Variants in MFSD12 observed in about 807,000 individuals in gnomAD.
MFSD12 encodes major facilitator superfamily domain-containing protein 12.
In MFSD12, 67 loss-of-function variants were observed where a neutral mutation model predicts 51.2. The ratio of observed to expected loss-of-function variants is 1.31; its 90% CI spans 1.08 to 1.60. MFSD12 has a LOEUF of 1.60. MFSD12 is among the 40% of genes most tolerant of loss of function. The pLI is 0.00. For missense variants in MFSD12, 921 were observed against 673.0 expected, an observed-to-expected ratio of 1.37 and a Z score of -4.08; for synonymous variants, 441 against 316.7, an observed-to-expected ratio of 1.39 and a Z score of -4.17.
chr19:3,547,890 C>T lies in MFSD12; in HGVS notation c.795G>A (p.Leu265=). 2 of 1,554,056 alleles carry T rather than the reference C, an allele frequency of 1.3e-6. No individual in the cohort carries two copies. The highest frequency in any genetic ancestry group is 1.7e-6 in the Non-Finnish European group (2 of 1,158,740). The change falls in exon 4 of 10, where the codon CTG becomes CTA. Residue 265 remains leucine (L), a synonymous_variant. Transcript: ENST00000355415. The part of the protein sequence containing the change: ...PLLAPATAQP[L]LLWKHWLREP... Reference sequence around the variant, plus strand: ...CCCGGAGCCAGTGCTTCCAGAGCAGCAGGGGCTGGGCCGTGGCAGGGGCCA... The same window carrying T: ...CCCGGAGCCAGTGCTTCCAGAGCAGTAGGGGCTGGGCCGTGGCAGGGGCCA...
intron 1 of MFSD12, among the ~76,000 whole-genome samples, chr19:3,552,312 C>G (rs974414143): frequency 4.1e-5 from 6 of 148,016 alleles, no homozygotes; most frequent in African/African-American, 1.0e-4. Flanking sequence ...GGACTACAGG[C>G]CCATGCCACC....
chr19:3,544,698 G>C lies in MFSD12; in HGVS notation c.*12C>G, dbSNP rs566821469. The stretch of plus-strand genomic sequence containing the variant: ...ACAGTTCCCTTGCACAGGTGCAGGA[G>C]GCTGTCAGGAGTCAGGGCCGGGCAT... On this transcript the variant is annotated 3_prime_UTR_variant, in exon 10 of 10. Transcript: ENST00000355415. The C allele has an allele frequency of 2.1e-5, 33 of 1,596,544 alleles. No individual in the cohort carries two copies. Among genetic ancestry groups the C allele is most frequent in the Non-Finnish European group, 2.7e-5 (32 of 1,170,032 alleles).
Position 3,544,726 on chromosome 19 carries a change from C to T in MFSD12, c.1427G>A (p.Arg476His), listed in dbSNP as rs377276332. 14 of 1,463,068 alleles carry T rather than the reference C, an allele frequency of 9.6e-6. No individual in the cohort carries two copies. The highest frequency in any genetic ancestry group is 2.9e-5 in the African/African-American group (2 of 69,778). The allele number at this position is 1,463,068 out of a possible 1,614,324, so 90.6% of individuals were successfully genotyped here. Reference protein sequence around the residue: ...LWPTRLRRWDRDARP With the variant: ...LWPTRLRRWDHDARP Reference sequence around the variant, plus strand: ...TGTCAGGAGTCAGGGCCGGGCATCACGGTCCCCTGCAAGGGAGGGGTGGAA... The same window carrying T: ...TGTCAGGAGTCAGGGCCGGGCATCATGGTCCCCTGCAAGGGAGGGGTGGAA... Residue 476 changes from arginine to histidine, a missense_variant, in exon 10 of 10, where the codon CGT (arginine) becomes CAT (histidine). By Grantham distance (29) the Arg-to-His change is conservative. Transcript: ENST00000355415.
chr19:3,539,193 C>A (rs1395240304), intron 4 of MFSD12: 4 of 1,550,384 alleles, frequency 2.6e-6, no homozygotes, highest in Non-Finnish European at 3.5e-6. Flanking sequence ...AACCCTCAGG[C>A]AAGAGGCTGC....
At chr19:3,545,338 T>C (rs150150354) in intron 8 of MFSD12, among the ~76,000 whole-genome samples, 103 of 152,284 alleles carry the variant, frequency 6.8e-4, no homozygotes, top group African/African-American at 2.4e-3. Flanking sequence ...CCCACTGTCC[T>C]CAGGGTCAAA....
downstream of MFSD12, chr19:3,543,659 C>T (rs888092023): frequency 1.9e-6 from 3 of 1,541,392 alleles, no homozygotes; most frequent in African/African-American, 1.4e-5. Flanking sequence ...GAAAGACAGG[C>T]CAATCCGGGG....
chr19:3,543,415 C>T (rs781763189), downstream of MFSD12: 105 of 1,547,146 alleles, frequency 6.8e-5, no homozygotes, highest in African/African-American at 5.5e-5. Flanking sequence ...GCCCCTTCCG[C>T]GAGGCCTACA....
At position 3,557,149 on chromosome 19, in the gene MFSD12, G is replaced by A; in HGVS notation, c.255C>T (p.Ser85=). Residue 85 remains serine, a synonymous_variant, in exon 1 of 10, where the codon AGC becomes AGT. Transcript: ENST00000355415. The part of the protein sequence containing the change: ...LVGYEADRAA[S]CCARYGPRKA... ...TGCGCGGGCCGTAGCGGGCGCAGCA[G>A]CTGGCGGCGCGGTCGGCCTCGTAGC... is the stretch of plus-strand genomic sequence containing the variant. The A allele has an allele frequency of 6.6e-7, 1 of 1,516,520 alleles. No individual in the cohort carries two copies. Among genetic ancestry groups the A allele is most frequent in the Non-Finnish European group, 8.8e-7 (1 of 1,134,150 alleles). 93.9% of individuals were successfully genotyped at this position (1,516,520 alleles called of 1,614,324 possible).
intron 1 of MFSD12, 140 bp downstream of exon 1, chr19:3,556,966 G>A (rs979500235): frequency 3.6e-6 from 3 of 830,714 alleles, no homozygotes; most frequent in African/African-American, 1.9e-5. Context: ...AGGGAAGCTC[G>A]GGCCACGGGA....
downstream of MFSD12, chr19:3,541,973 C>T: frequency 2.5e-6 from 1 of 402,168 alleles, no homozygotes. Context: ...CCACACCTGA[C>T]TAATTTTTGT....
Position 3,551,031 on chromosome 19 carries a change from C to T in MFSD12, c.462G>A (p.Pro154=), listed in dbSNP as rs897492776. The change falls in exon 2 of 10, where the codon CCG becomes CCA. Residue 154 remains proline, a synonymous_variant. Coordinates refer to ENST00000355415, the MANE Select transcript of MFSD12 (RefSeq NM_174983.5). The surrounding 1 kb of genome is among the most constrained non-coding windows in gnomAD (Gnocchi z 4.6). ...STQISHLSLI[P]ELVTNDHEKV... is the part of the protein sequence containing the mutation. ...TCTCATGGTCGTTGGTGACGAGCTCCGGGATGAGGCTGAGGTGGGAGATCT... is the reference window on the plus strand; with the variant it reads ...TCTCATGGTCGTTGGTGACGAGCTCTGGGATGAGGCTGAGGTGGGAGATCT... 1.2e-5 allele frequency: 19 copies of T among 1,612,642 alleles called. No individual in the cohort carries two copies. Among genetic ancestry groups the T allele is most frequent in the Middle Eastern group, 1.7e-4 (1 of 5,952 alleles).
downstream of MFSD12, among the ~76,000 whole-genome samples, chr19:3,541,158 G>A (rs2030371531): frequency 2.6e-5 from 3 of 115,978 alleles, no homozygotes; most frequent in Admixed American, 2.0e-4. Context: ...GACAGAGCAA[G>A]ACTCTGTCTC....
downstream of MFSD12, chr19:3,544,016 T>A: frequency 2.0e-6 from 3 of 1,532,086 alleles, no homozygotes; most frequent in Non-Finnish European, 2.6e-6. Flanking sequence ...GATAAAGGCA[T>A]GCTACCAGGA....
chr19:3,546,766 A>C (rs979561528), intron 6 of MFSD12, among the ~76,000 whole-genome samples: 1 of 152,228 alleles, frequency 6.6e-6, no homozygotes, highest in Admixed American at 6.5e-5. Flanking sequence ...CCAGAGCTCC[A>C]TGGCTGCGAG....
downstream of MFSD12, chr19:3,544,170 GCC>G: frequency 3.6e-6 from 5 of 1,369,920 alleles, no homozygotes; most frequent in Non-Finnish European, 4.7e-6. Context: ...CCTGCCCAGA[GCC>G]CCCCCGCAGG....
intron 8 of MFSD12, among the ~76,000 whole-genome samples, chr19:3,545,361 T>G (rs1204675565): frequency 6.6e-6 from 1 of 151,948 alleles, no homozygotes; most frequent in Non-Finnish European, 1.5e-5. Flanking sequence ...CCCTAAGTCC[T>G]CCCCATGGCC....
chr19:3,542,055 C>A (rs2030461299), downstream of MFSD12: 1 of 814,112 alleles, frequency 1.2e-6, no homozygotes, highest in African/African-American at 1.9e-5. Flanking sequence ...GGTGATCTAC[C>A]CACCTTGGCC....
At chr19:3,548,364 T>G (rs2031253788) in intron 2 of MFSD12, 97 bp from the exon 3 acceptor site, 1 of 1,467,838 alleles carries the variant, frequency 6.8e-7, no homozygotes, top group African/African-American at 1.4e-5. Context: ...GGGGAACCCC[T>G]GACTGACAGG....
intron 6 of MFSD12, among the ~76,000 whole-genome samples, chr19:3,546,928 G>T (rs919992233): frequency 6.6e-6 from 1 of 152,172 alleles, no homozygotes; most frequent in South Asian, 2.1e-4. Context: ...CCGCCTCCCG[G>T]GTTCACGCCA....
Sources: gnomAD v4.1 joint callset for allele counts (sites outside exome capture counted in the v4.1 genomes callset) on GRCh38, gnomAD v4.1.1 for gene constraint, Gnocchi (gnomAD v3.1) non-coding constraint, MANE v1.5 for transcripts, NCBI Gene and HGNC (gene_info 2026-07-23, HGNC 2026-07-21) for gene names.